The following STX6 variants were observed in gnomAD, a reference collection of about 807,000 sequenced individuals.
The protein encoded by STX6 is syntaxin 6.
In STX6, 23 loss-of-function variants were observed where a neutral mutation model predicts 38.0. That is an observed-to-expected ratio of 0.60 (90% CI 0.43 to 0.86). The LOEUF is 0.86. STX6 is among the 40% of genes least tolerant of loss of function. The pLI, the probability that STX6 is intolerant of heterozygous loss-of-function variation, is 0.00. For synonymous variants in STX6, 123 were observed against 107.5 expected (o/e 1.14, Z -0.89); for missense variants, 274 against 312.9 (o/e 0.88, Z 0.94).
chr1:181,002,518 T>C, intron 3 of STX6, 88 bp downstream of exon 3: 2 of 893,284 alleles, frequency 2.2e-6, no homozygotes, highest in South Asian at 3.1e-5. Flanking sequence ...GTTTCAGAGG[T>C]GACCTATTAG....
intron 7 of STX6, among the ~76,000 whole-genome samples, chr1:180,983,878 C>G (rs1477490756): frequency 6.6e-6 from 1 of 151,696 alleles, no homozygotes; most frequent in Non-Finnish European, 1.5e-5. Context: ...TCCTGGCTAA[C>G]ACGGTGAAAC....
intron 1 of STX6, among the ~76,000 whole-genome samples, chr1:181,016,649 C>T (rs1373231045): frequency 6.6e-6 from 1 of 152,068 alleles, no homozygotes; most frequent in Non-Finnish European, 1.5e-5. Flanking sequence ...GTGATGCCCT[C>T]GAGGAGCTCA....
intron 5 of STX6, chr1:180,989,484 A>C (rs1284950608): frequency 6.8e-6 from 1 of 146,522 alleles, no homozygotes; most frequent in Non-Finnish European, 1.5e-5. Context: ...TGACAGAGTG[A>C]GACTCCGTCT....
At chr1:181,002,903 T>C (rs552814365) in intron 2 of STX6, among the ~76,000 whole-genome samples, 3 of 152,318 alleles carry the variant, frequency 2.0e-5, no homozygotes, top group Non-Finnish European at 2.9e-5. Flanking sequence ...ACAGAGATGA[T>C]CTGTCTGGTT....
chr1:181,017,709 A>G (rs1398390735), intron 1 of STX6, among the ~76,000 whole-genome samples: 1 of 152,226 alleles, frequency 6.6e-6, no homozygotes, highest in Non-Finnish European at 1.5e-5. Context: ...TGAAGACTAC[A>G]AGATTTAAAT....
At chr1:181,010,309 TTC>T (rs2102328342) in intron 1 of STX6, among the ~76,000 whole-genome samples, 1 of 152,286 alleles carries the variant, frequency 6.6e-6, no homozygotes, top group East Asian at 1.9e-4. Flanking sequence ...ATGAAGAATA[TTC>T]TTTTTTTTGA....
At chr1:181,012,886 C>T (rs1010903159) in intron 1 of STX6, among the ~76,000 whole-genome samples, 20 of 152,010 alleles carry the variant, frequency 1.3e-4, no homozygotes, top group Middle Eastern at 3.2e-3. Flanking sequence ...GTTGGTCAGG[C>T]TGGTCTCAAA....
At chr1:180,998,621 T>G (rs910550174) in intron 3 of STX6, among the ~76,000 whole-genome samples, 1 of 152,196 alleles carries the variant, frequency 6.6e-6, no homozygotes, top group African/African-American at 2.4e-5. Flanking sequence ...CCTCAAGTGA[T>G]CTGCCCGCCT....
intron 3 of STX6, among the ~76,000 whole-genome samples, chr1:180,999,662 A>AG (rs1419528964): frequency 0.032 from 4 of 126 alleles, no homozygotes; most frequent in Admixed American, 0.1. Context: ...GCAAATAAAG[A>AG]AAAAAAAAAC....
At chr1:180,992,666 C>G (rs961865964) in intron 4 of STX6, among the ~76,000 whole-genome samples, 10 of 152,184 alleles carry the variant, frequency 6.6e-5, no homozygotes, top group African/African-American at 2.2e-4. Flanking sequence ...AAGTCTAAAT[C>G]AAATCTCAAT....
chr1:181,010,874 G>A (rs1656373867), intron 1 of STX6, among the ~76,000 whole-genome samples: 1 of 152,180 alleles, frequency 6.6e-6, no homozygotes, highest in African/African-American at 2.4e-5. Context: ...GATCCCTTGT[G>A]ATTTACAGGC....
intron 7 of STX6, chr1:180,980,545 C>CATTTT (rs1655377890): frequency 2.6e-5 from 1 of 39,128 alleles, no homozygotes; most frequent in Non-Finnish European, 4.5e-5. Flanking sequence ...AAAACCTGCA[C>CATTTT]TTTTTTTTTT....
intron 1 of STX6, among the ~76,000 whole-genome samples, chr1:181,008,627 C>A (rs1307553117): frequency 2.0e-5 from 3 of 151,120 alleles, no homozygotes; most frequent in Non-Finnish European, 4.4e-5. Flanking sequence ...TACACAGTAT[C>A]CAAAATCATA....
chr1:180,997,953 A>G (rs1214615816), intron 3 of STX6, among the ~76,000 whole-genome samples: 1 of 152,206 alleles, frequency 6.6e-6, no homozygotes, highest in Non-Finnish European at 1.5e-5. Flanking sequence ...TTTCATCAGG[A>G]TTATTTGCAT....
In STX6 at chr1:181,017,004, C is replaced by T. The variant is rs61809192; in HGVS notation, c.35+5635G>A. On this transcript the variant is annotated intron_variant, in intron 1 of 7. Transcript: ENST00000258301. ...GGGAGAAGTGCTTGAACCCGGGAGGCGGAGGTTGCAGTGAGCCAAGACGCG... is the reference window on the plus strand; with the variant it reads ...GGGAGAAGTGCTTGAACCCGGGAGGTGGAGGTTGCAGTGAGCCAAGACGCG... Among the ~76,000 whole-genome samples the T allele has an allele frequency of 5.4e-3, 827 of 151,954 alleles. 4 individuals carry two copies. The highest frequency in any genetic ancestry group is 6.9e-3 in the Admixed American group (105 of 15,266).
At chr1:180,990,189 A>T in intron 4 of STX6, 80 bp from the exon 5 acceptor site, 1 of 1,552,676 alleles carries the variant, frequency 6.4e-7, no homozygotes, top group Non-Finnish European at 8.8e-7. Flanking sequence ...CAAGAGTGAT[A>T]TAAAGAGTTT....
chr1:181,014,270 T>C (rs1656492535), intron 1 of STX6, among the ~76,000 whole-genome samples: 1 of 151,990 alleles, frequency 6.6e-6, no homozygotes, highest in Non-Finnish European at 1.5e-5. Flanking sequence ...GGCATGCACC[T>C]GTAAACCCAG....
At chr1:181,007,615 G>A (rs1247332178) in intron 1 of STX6, among the ~76,000 whole-genome samples, 3 of 152,190 alleles carry the variant, frequency 2.0e-5, no homozygotes, top group Non-Finnish European at 4.4e-5. Flanking sequence ...TTGGGCTAGG[G>A]CTTAGGTTTG....
chr1:181,013,294 G>A (rs534920441), intron 1 of STX6, among the ~76,000 whole-genome samples: 28 of 152,244 alleles, frequency 1.8e-4, no homozygotes, highest in African/African-American at 6.7e-4. Flanking sequence ...AACAAATTGC[G>A]TAAGTGTAGC....
Sources: allele counts gnomAD v4.1 joint callset (sites outside exome capture counted in the v4.1 genomes callset), GRCh38; gene constraint gnomAD v4.1.1; transcripts MANE v1.5; gene names NCBI Gene and HGNC (gene_info 2026-07-23, HGNC 2026-07-21).